Variants in MYRFL observed in about 807,000 individuals in gnomAD.
The protein encoded by MYRFL is myelin regulatory factor like, also known as myelin regulatory factor-like protein.
In MYRFL, 88 loss-of-function variants were observed where a neutral mutation model predicts 109.4. The observed-to-expected ratio is 0.80, with a 90% confidence interval of 0.68 to 0.96. MYRFL has a LOEUF of 0.96. MYRFL is among the 40% of genes least tolerant of loss of function. The pLI is 0.00. For synonymous variants in MYRFL, 324 were observed against 320.9 expected, an observed-to-expected ratio of 1.01 and a Z score of -0.10; for missense variants, 957 against 954.9, an observed-to-expected ratio of 1.00 and a Z score of -0.03.
At chr12:69,950,021 T>G (rs1432440394) in intron 19 of MYRFL, among the ~76,000 whole-genome samples, 1 of 152,198 alleles carries the variant, frequency 6.6e-6, no homozygotes, top group African/African-American at 2.4e-5. Flanking sequence ...TAATTATCAT[T>G]GTTATCCTTC....
At chr12:69,949,820 C>T (rs10748145) in intron 19 of MYRFL, among the ~76,000 whole-genome samples, 19,383 of 151,986 alleles carry the variant, frequency 0.13, 1,851 homozygotes, top group East Asian at 0.48. Context: ...TTCACATTTT[C>T]CCAGAATAGC....
At chr12:69,900,267 AC>A (rs1463624113) in intron 10 of MYRFL, among the ~76,000 whole-genome samples, 1 of 152,152 alleles carries the variant, frequency 6.6e-6, no homozygotes, top group Non-Finnish European at 1.5e-5. Context: ...ACACACAAAC[AC>A]AGACACACGC....
chr12:69,880,955 T>TTTTTTG (rs1886057249), intron 5 of MYRFL, among the ~76,000 whole-genome samples: 1 of 135,264 alleles, frequency 7.4e-6, no homozygotes, highest in African/African-American at 2.8e-5. Flanking sequence ...CTTCCTGTTT[T>TTTTTTG]TTTTTTTTTT....
intron 1 of MYRFL, among the ~76,000 whole-genome samples, chr12:69,849,115 G>A (rs919805162): frequency 1.3e-5 from 2 of 152,268 alleles, no homozygotes; most frequent in East Asian, 1.9e-4. Flanking sequence ...TAAGTGATCT[G>A]CCCATCTCAG....
At chr12:69,874,841 G>T (rs9805127) in intron 2 of MYRFL, among the ~76,000 whole-genome samples, 38,457 of 151,648 alleles carry the variant, frequency 0.25, 5,657 homozygotes, top group East Asian at 0.5. Flanking sequence ...CTGCACATAA[G>T]GTACTGTTTT....
At chr12:69,859,545 A>G (rs1252577975) in intron 2 of MYRFL, among the ~76,000 whole-genome samples, 2 of 152,212 alleles carry the variant, frequency 1.3e-5, no homozygotes, top group Non-Finnish European at 2.9e-5. Context: ...GTTAAGTGCA[A>G]ACACATTTAG....
At chr12:69,947,923 G>C (rs1026842954) in intron 19 of MYRFL, among the ~76,000 whole-genome samples, 3 of 152,276 alleles carry the variant, frequency 2.0e-5, no homozygotes, top group African/African-American at 7.2e-5. Flanking sequence ...ACCATGACAG[G>C]AGTATGCTTT....
At chr12:69,947,157 A>T (rs569946899) in intron 19 of MYRFL, 1 of 152,244 alleles carries the variant, frequency 6.6e-6, no homozygotes, top group African/African-American at 2.4e-5. Flanking sequence ...AGCATTAAAG[A>T]CCAATTAAAA....
chr12:69,919,630 C>G (rs149716741), intron 13 of MYRFL, among the ~76,000 whole-genome samples: 3 of 152,254 alleles, frequency 2.0e-5, no homozygotes, highest in Non-Finnish European at 4.4e-5. Flanking sequence ...TGTCAGGGCC[C>G]AGTACGCTCT....
chr12:69,904,686 A>C (rs1277651619), intron 11 of MYRFL, among the ~76,000 whole-genome samples: 1 of 152,238 alleles, frequency 6.6e-6, no homozygotes, highest in Non-Finnish European at 1.5e-5. Context: ...TCAGCCAGCT[A>C]CTAACACCTC....
At chr12:69,882,885 A>G (rs1011005864) in intron 5 of MYRFL, among the ~76,000 whole-genome samples, 5 of 152,264 alleles carry the variant, frequency 3.3e-5, no homozygotes, top group African/African-American at 1.2e-4. Context: ...ACACTGTAGC[A>G]TCAGAAAATG....
intron 19 of MYRFL, chr12:69,946,635 GC>G (rs1210338840): frequency 1.3e-5 from 2 of 152,162 alleles, no homozygotes; most frequent in Non-Finnish European, 2.9e-5. Context: ...GAGATATGTT[GC>G]TTTTCAAGTC....
chr12:69,830,210 G>T (rs899025055), intron 1 of MYRFL, among the ~76,000 whole-genome samples: 1 of 151,554 alleles, frequency 6.6e-6, no homozygotes, highest in Non-Finnish European at 1.5e-5. Flanking sequence ...TCTAATGGTG[G>T]AATTTTAGGT....
chr12:69,868,307 G>T (rs770145029), intron 2 of MYRFL, among the ~76,000 whole-genome samples: 3 of 151,656 alleles, frequency 2.0e-5, no homozygotes, highest in Non-Finnish European at 4.4e-5. Context: ...TAGAGATGGG[G>T]TTTCACCATG....
intron 22 of MYRFL, 69 bp from the exon 23 acceptor site, chr12:69,957,753 C>G (rs1956126599): frequency 6.9e-7 from 1 of 1,453,586 alleles, no homozygotes; most frequent in East Asian, 2.5e-5. Context: ...CTCCTCTTAT[C>G]AAGATGTATC....
Position 69,929,465 on chromosome 12 carries a change from C to T in MYRFL, c.1830+1717C>T, listed in dbSNP as rs540986825. ...GCCTTAAAGGAGGAGTAAGCTTTGG[C>T]TAGACATCAATGAAATTGAAGGAGA... On this transcript the variant is annotated intron_variant, in intron 15 of 24. Coordinates refer to ENST00000552032, the MANE Select transcript of MYRFL (RefSeq NM_182530.3). Among the ~76,000 whole-genome samples the T allele has an allele frequency of 3.9e-5, 6 of 152,240 alleles. No homozygotes were observed. In the East Asian group the frequency reaches 1.2e-3, roughly 29 times the overall value.
intron 2 of MYRFL, among the ~76,000 whole-genome samples, chr12:69,856,552 T>C (rs1884298694): frequency 6.6e-6 from 1 of 152,080 alleles, no homozygotes; most frequent in African/African-American, 2.4e-5. Flanking sequence ...TCATTGCCAA[T>C]TCTTGGGTAT....
Position 69,909,982 on chromosome 12 carries a change from A to G in MYRFL, c.1397A>G (p.Glu466Gly). The change falls in exon 12 of 25, where the codon GAA becomes GGA. Residue 466 changes from glutamate (E) to glycine (G), a missense_variant. Glu to Gly is a moderately conservative substitution (Grantham distance 98). Coordinates refer to ENST00000552032, the MANE Select transcript of MYRFL (RefSeq NM_182530.3). ...KQNIQEVDTN[E>G]QLKRIAQMRI... ...TAATTAAATTAGGTTGACACGAATGAACAGCTGAAAAGAATAGCCCAAATG... is the reference window on the plus strand; with the variant it reads ...TAATTAAATTAGGTTGACACGAATGGACAGCTGAAAAGAATAGCCCAAATG... The G allele has an allele frequency of 2.6e-6, 4 of 1,527,240 alleles. No individual in the cohort carries two copies. The highest frequency in any genetic ancestry group is 1.7e-6 in the Non-Finnish European group (2 of 1,144,540). The allele number at this position is 1,527,240 out of a possible 1,614,324, so 94.6% of individuals were successfully genotyped here. A position where few individuals can be genotyped will look rare whatever the true frequency, so the allele number is the denominator to read the frequency against.
chr12:69,926,940 T>G lies in MYRFL; in HGVS notation c.1766+206T>G, dbSNP rs1442412668. Among the ~76,000 whole-genome samples, 4 of 132,584 alleles carry G rather than the reference T, an allele frequency of 3.0e-5. 1 individual carries two copies. Among genetic ancestry groups the G allele is most frequent in the African/African-American group, 1.1e-4 (4 of 36,286 alleles). 87.0% of individuals were successfully genotyped at this position (132,584 alleles called of 152,430 possible). A position where few individuals can be genotyped will look rare whatever the true frequency, so the allele number is the denominator to read the frequency against. On this transcript the variant is annotated intron_variant, in intron 14 of 24. Coordinates refer to ENST00000552032, the MANE Select transcript of MYRFL (RefSeq NM_182530.3). ...AGTTTTTTTCTGTTGCTGGTTTTTT[T>G]TTTTTTTTTTTTTTTTTTTTTGAGC...
Sources: gnomAD v4.1 joint callset for allele counts (sites outside exome capture counted in the v4.1 genomes callset) on GRCh38, gnomAD v4.1.1 for gene constraint, MANE v1.5 for transcripts, NCBI Gene and HGNC (gene_info 2026-07-23, HGNC 2026-07-21) for gene names.